LRRC75B: variants seen among roughly 807,000 people sequenced by gnomAD.
LRRC75B encodes leucine rich repeat containing 75B, also known as leucine-rich repeat-containing protein 75B.
Under a neutral mutation model 16.5 loss-of-function variants are expected in LRRC75B, and 20 were observed. That is an observed-to-expected ratio of 1.21 (90% CI 0.85 to 1.76). The LOEUF is 1.76. Among genes scored for constraint, LRRC75B ranks in the 40% most tolerant of loss-of-function variants. LRRC75B has a pLI of 0.00. For missense variants in LRRC75B, 406 were observed against 417.0 expected (o/e 0.97, Z 0.23); for synonymous variants, 199 against 198.1 (o/e 1.00, Z -0.04).
At chr22:24,590,044 GTC>G in intron 1 of LRRC75B, 95 bp from the exon 2 acceptor site, 1 of 1,371,682 alleles carries the variant, frequency 7.3e-7, no homozygotes, top group Non-Finnish European at 9.7e-7. Context: ...GCCCGTTCCT[GTC>G]TCTCCATCTC....
At chr22:24,589,421 G>A (rs1272695418) in intron 2 of LRRC75B, 2 of 1,011,852 alleles carry the variant, frequency 2.0e-6, no homozygotes, top group African/African-American at 3.5e-5. Flanking sequence ...CTCTAGCCGA[G>A]AGCGGCTCTC....
intron 3 of LRRC75B, among the ~76,000 whole-genome samples, 168 bp from the exon 4 acceptor site, chr22:24,586,579 T>C (rs2045400726): frequency 6.6e-6 from 1 of 152,248 alleles, no homozygotes; most frequent in Non-Finnish European, 1.5e-5. Flanking sequence ...TTGTCCAGGC[T>C]GGAGTGCAGT....
At position 24,592,987 on chromosome 22, in the gene LRRC75B, C is replaced by G. The variant is rs2147179378; in HGVS notation, c.53G>C (p.Gly18Ala). 8.6e-7 allele frequency: 1 copy of G among 1,158,140 alleles called. No individual in the cohort carries two copies. Among genetic ancestry groups the G allele is most frequent in the Non-Finnish European group, 1.1e-6 (1 of 940,938 alleles). The allele number at this position is 1,158,140 out of a possible 1,614,324, so 71.7% of individuals were successfully genotyped here. ...CGCGGGCCCGCAGCCGGCCGCCGCC[C>G]CGGCCTCAGAGCCAGCCTCGGGCCC... ...RAGPEAGSEA[G>A]AAAGCGPAPY... is the part of the protein sequence containing the mutation. The change falls in exon 1 of 4, where the codon GGG (glycine) becomes GCG (alanine). Residue 18 changes from glycine to alanine, a missense_variant. Gly to Ala is a moderately conservative substitution (Grantham distance 60). Coordinates refer to ENST00000318753, the MANE Select transcript of LRRC75B (RefSeq NM_207644.3).
chr22:24,592,050 G>A (rs2045583937), intron 1 of LRRC75B, among the ~76,000 whole-genome samples: 1 of 152,220 alleles, frequency 6.6e-6, no homozygotes, highest in South Asian at 2.1e-4. Flanking sequence ...ACCTTCTGCA[G>A]GCCGAACACC....
At chr22:24,592,096 G>C (rs541369105) in intron 1 of LRRC75B, 7 of 356,606 alleles carry the variant, frequency 2.0e-5, no homozygotes, top group South Asian at 1.2e-4. Context: ...GATGGGGCAG[G>C]TAGTGGTGGT....
intron 1 of LRRC75B, 41 bp from the exon 2 acceptor site, chr22:24,589,990 C>G: frequency 1.3e-6 from 2 of 1,519,532 alleles, no homozygotes; most frequent in Non-Finnish European, 1.8e-6. Context: ...CCCGTTGGGT[C>G]TCCCATCTCG....
chr22:24,589,251 T>G (rs1490168369), intron 2 of LRRC75B: 39 of 1,270,154 alleles, frequency 3.1e-5, no homozygotes, highest in Non-Finnish European at 3.7e-5. Context: ...GCTGTCAGCA[T>G]GGGGTTCTGG....
chr22:24,589,880 C>T lies in LRRC75B; in HGVS notation c.247G>A (p.Asp83Asn), dbSNP rs199978445. Residue 83 changes from aspartate (D) to asparagine (N), a missense_variant, in exon 2 of 4, where the codon GAC (aspartate) becomes AAC (asparagine). Coordinates refer to ENST00000318753, the MANE Select transcript of LRRC75B (RefSeq NM_207644.3). ...ACAAGCAGGTCATGGGAGATGGGGT[C>T]GACCGGGTTGAGGAAGGCCACATCT... Reference protein sequence around the residue: ...YRDVAFLNPVDPISHDLLVNL... With the variant: ...YRDVAFLNPVNPISHDLLVNL... The T allele has an allele frequency of 2.0e-4, 320 of 1,613,856 alleles. 1 individual carries two copies. Among genetic ancestry groups the T allele is most frequent in the Non-Finnish European group, 2.4e-4 (281 of 1,179,896 alleles).
At chr22:24,589,351 C>A (rs1569037097) in intron 2 of LRRC75B, 3 of 1,137,436 alleles carry the variant, frequency 2.6e-6, no homozygotes, top group Non-Finnish European at 2.2e-6. Context: ...TAGGGGAAAG[C>A]AGTGAGCACC....
intron 2 of LRRC75B, chr22:24,589,187 C>G (rs1346070111): frequency 8.4e-7 from 1 of 1,189,722 alleles, no homozygotes; most frequent in Admixed American, 3.9e-5. Context: ...GGTGGCTGGT[C>G]ACAGCCACAC....
chr22:24,592,368 C>T (rs912348713), intron 1 of LRRC75B: 2 of 470,704 alleles, frequency 4.2e-6, no homozygotes, highest in Non-Finnish European at 8.8e-6. Context: ...TGGGGTGAGG[C>T]TGCATCCCTA....
At position 24,588,566 on chromosome 22, in the gene LRRC75B, G is replaced by A. The variant is rs976657929; in HGVS notation, c.307-237C>T. On this transcript the variant is annotated intron_variant, in intron 2 of 3. Transcript: ENST00000318753. ...AGGCTGGTCCAGTCCCGCAGTGCCC[G>A]GCGGGAGGAAGCCCAGACAATGAGC... The A allele has an allele frequency of 7.2e-5, 59 of 823,594 alleles. 1 individual carries two copies. The highest frequency in any genetic ancestry group is 9.4e-5 in the Non-Finnish European group (54 of 572,242). The allele number at this position is 823,594 out of a possible 1,614,324, so 51.0% of individuals were successfully genotyped here. A position where few individuals can be genotyped will look rare whatever the true frequency, so the allele number is the denominator to read the frequency against.
chr22:24,588,820 C>T, intron 2 of LRRC75B: 3 of 1,013,794 alleles, frequency 3.0e-6, no homozygotes, highest in Non-Finnish European at 3.5e-6. Context: ...GGGTCTGGGT[C>T]TGGGCTGACA....
At chr22:24,587,280 A>G (rs923754271) in intron 3 of LRRC75B, among the ~76,000 whole-genome samples, 1 of 152,180 alleles carries the variant, frequency 6.6e-6, no homozygotes, top group African/African-American at 2.4e-5. Context: ...GGGGCCGGCC[A>G]TGAGGGAGGG....
chr22:24,592,904 G>A lies in LRRC75B; in HGVS notation c.136C>T (p.Arg46Trp). 1.6e-6 allele frequency: 2 copies of A among 1,279,582 alleles called. No individual in the cohort carries two copies. The highest frequency in any genetic ancestry group is 2.0e-6 in the Non-Finnish European group (2 of 1,012,470). The allele number at this position is 1,279,582 out of a possible 1,614,324, so 79.3% of individuals were successfully genotyped here. A position where few individuals can be genotyped will look rare whatever the true frequency, so the allele number is the denominator to read the frequency against. Residue 46 changes from arginine to tryptophan, a missense_variant, in exon 1 of 4, where the codon CGG (arginine) becomes TGG (tryptophan). Transcript: ENST00000318753. ...AGCAGCTGCCGGGCGCGCTCCGGCC[G>A]CCGCTCGCGGAGCGTGGACTGGATC... ...REIQSTLRER[R>W]PERARQLLRL...
chr22:24,588,924 G>A lies in LRRC75B; in HGVS notation c.307-595C>T, dbSNP rs972570887. ...AGAGGCCCAGCTCAGGGTGGAATCC[G>A]AGGTGCGCGGCCCACAAAGCTGGCA... On this transcript the variant is annotated intron_variant, in intron 2 of 3. Coordinates refer to ENST00000318753, the MANE Select transcript of LRRC75B (RefSeq NM_207644.3). 16 of 1,002,904 alleles carry A rather than the reference G, an allele frequency of 1.6e-5. No individual in the cohort carries two copies. In the South Asian group the frequency reaches 2.1e-4, roughly 13 times the overall value. The allele number at this position is 1,002,904 out of a possible 1,614,324, so 62.1% of individuals were successfully genotyped here. A position where few individuals can be genotyped will look rare whatever the true frequency, so the allele number is the denominator to read the frequency against.
chr22:24,586,381 C>A lies in LRRC75B; in HGVS notation c.453G>T (p.Leu151=). The change falls in exon 4 of 4, where the codon CTG becomes CTT. Residue 151 remains leucine, a synonymous_variant. Coordinates refer to ENST00000318753, the MANE Select transcript of LRRC75B (RefSeq NM_207644.3). ...CTGAGAGGTCCACAGTCTCCCCTGC[C>A]AGCAGAGTCTTCTGGAGGCTGCTCT... ...CLKSSLQKTL[L]AGETVDLSGI... is the part of the protein sequence containing the mutation. The A allele has an allele frequency of 6.2e-7, 1 of 1,613,484 alleles. No homozygotes were observed. Among genetic ancestry groups the A allele is most frequent in the Non-Finnish European group, 8.5e-7 (1 of 1,179,844 alleles).
At chr22:24,588,860 C>T (rs1324402673) in intron 2 of LRRC75B, 7 of 1,007,084 alleles carry the variant, frequency 7.0e-6, no homozygotes, top group African/African-American at 5.2e-5. Flanking sequence ...TTTACAGCAC[C>T]ACCACCTGGC....
At chr22:24,586,857 G>GCCAT (rs1444412744) in intron 3 of LRRC75B, among the ~76,000 whole-genome samples, 15 of 152,242 alleles carry the variant, frequency 9.9e-5, no homozygotes, top group Non-Finnish European at 1.8e-4. Context: ...TAAGTGGGTG[G>GCCAT]CCATGGGCAA....
Sources: allele counts gnomAD v4.1 joint callset (sites outside exome capture counted in the v4.1 genomes callset), GRCh38; gene constraint gnomAD v4.1.1; transcripts MANE v1.5; gene names NCBI Gene and HGNC (gene_info 2026-07-23, HGNC 2026-07-21).